SLC5A8: variants seen among roughly 807,000 people sequenced by gnomAD.
SLC5A8 encodes solute carrier family 5 member 8, also known as sodium-coupled monocarboxylate transporter 1.
In SLC5A8, 55 loss-of-function variants were observed where a neutral mutation model predicts 71.9. The observed-to-expected ratio is 0.77, with a 90% CI of 0.62 to 0.96. The LOEUF is 0.96. SLC5A8 is among the 40% of genes least tolerant of loss of function. The pLI, the probability that SLC5A8 is intolerant of heterozygous loss-of-function variation, is 0.00. For missense variants in SLC5A8, 701 were observed against 745.3 expected (o/e 0.94, Z 0.69); for synonymous variants, 307 against 276.1 (o/e 1.11, Z -1.11).
In SLC5A8 at chr12:101,161,960, G is replaced by A. The variant is rs115468720; in HGVS notation, c.1630+14C>T. On this transcript the variant is annotated intron_variant, in intron 13 of 14. Transcript: ENST00000536262. ...TAGAGGTAAATACAACAATACTAATGTTTAGATAGTTACCTGTTGATAAAC... is the reference window on the plus strand; with the variant it reads ...TAGAGGTAAATACAACAATACTAATATTTAGATAGTTACCTGTTGATAAAC... The A allele has an allele frequency of 5.8e-4, 903 of 1,554,694 alleles. 5 individuals carry two copies. The African/African-American group carries it at 0.011, about 18-fold the overall frequency.
At chr12:101,193,559 C>A (rs1869018091) in intron 5 of SLC5A8, 66 bp downstream of exon 5, 2 of 1,509,792 alleles carry the variant, frequency 1.3e-6, no homozygotes, top group East Asian at 2.3e-5. Flanking sequence ...TCTACTATTT[C>A]AATAAAGAGA....
intron 12 of SLC5A8, among the ~76,000 whole-genome samples, chr12:101,165,991 G>A (rs1202094004): frequency 2.0e-5 from 3 of 152,148 alleles, no homozygotes; most frequent in Admixed American, 2.0e-4. Flanking sequence ...TGTACTGCAT[G>A]ACTGAAATCT....
Position 101,158,337 on chromosome 12 carries a change from A to G in SLC5A8, c.1631-9T>C, listed in dbSNP as rs1242315673. ...GTTCTGTTTTCTTCCTCCTGGAAAA[A>G]AAAATGTACATGACTTACGTTGTTA... On this transcript the variant is annotated splice_polypyrimidine_tract_variant and intron_variant, in intron 13 of 14. Transcript: ENST00000536262. 6.5e-7 allele frequency: 1 copy of G among 1,549,296 alleles called. No homozygotes were observed. Among genetic ancestry groups the G allele is most frequent in the Non-Finnish European group, 8.8e-7 (1 of 1,131,330 alleles).
intron 6 of SLC5A8, among the ~76,000 whole-genome samples, chr12:101,190,157 T>A (rs1440581257): frequency 3.9e-5 from 6 of 152,236 alleles, no homozygotes; most frequent in African/African-American, 1.4e-4. Context: ...TGCATGTATT[T>A]TCCTAATTTG....
intron 13 of SLC5A8, among the ~76,000 whole-genome samples, chr12:101,158,633 T>TAG (rs56013932): frequency 6.4e-5 from 8 of 125,492 alleles, no homozygotes; most frequent in African/African-American, 2.3e-4. Context: ...TATATATATA[T>TAG]GTATCATATA....
Position 101,186,080 on chromosome 12 carries a change from ATT to A in SLC5A8, c.963+1304_963+1305del, listed in dbSNP as rs35334880. ...GTCTCAAAGGTAGGAAGCCGTAGGG[ATT>A]TTTTTTTTTTTTTTTTTGGCCCAGG... On this transcript the variant is annotated intron_variant, in intron 7 of 14. Transcript: ENST00000536262. Among the ~76,000 whole-genome samples the A allele has an allele frequency of 5.0e-3, 677 of 134,718 alleles. 1 individual carries two copies. The highest frequency in any genetic ancestry group is 0.011 in the African/African-American group (396 of 36,616). 88.4% of individuals were successfully genotyped at this position (134,718 alleles called of 152,430 possible).
In SLC5A8 at chr12:101,166,681, T is replaced by A; in HGVS notation, c.1339A>T (p.Met447Leu). The change falls in exon 12 of 15, where the codon ATG (methionine) becomes TTG (leucine). Residue 447 changes from methionine to leucine, a missense_variant. Met to Leu is a conservative substitution (Grantham distance 15). Coordinates refer to ENST00000536262, the MANE Select transcript of SLC5A8 (RefSeq NM_145913.5). ...CATAGAGAAATGGCAAATCCAGCCA[T>A]CAGACCAACAAGTGCTCCCTGTAAA... ...ANSIGALVGL[M>L]AGFAISLWVG... 1 of 1,611,036 alleles carries A rather than the reference T, an allele frequency of 6.2e-7. No individual in the cohort carries two copies. The highest frequency in any genetic ancestry group is 8.5e-7 in the Non-Finnish European group (1 of 1,178,900).
intron 6 of SLC5A8, 85 bp from the exon 7 acceptor site, chr12:101,187,600 C>A (rs1462078145): frequency 2.2e-6 from 3 of 1,380,938 alleles, no homozygotes; most frequent in Non-Finnish European, 2.9e-6. Flanking sequence ...TCAAAAGAGA[C>A]CTTCATGATT....
chr12:101,167,657 T>A (rs1055987211), intron 11 of SLC5A8, among the ~76,000 whole-genome samples: 10 of 152,214 alleles, frequency 6.6e-5, no homozygotes, highest in African/African-American at 2.4e-4. Flanking sequence ...CAGCTTTAAA[T>A]GTCAGGAGTA....
chr12:101,169,656 G>T (rs916299328), intron 10 of SLC5A8, among the ~76,000 whole-genome samples: 2 of 152,170 alleles, frequency 1.3e-5, no homozygotes, highest in African/African-American at 4.8e-5. Flanking sequence ...GATCCCAGAG[G>T]AGCAGCCCAA....
At chr12:101,195,067 T>C (rs772837278) in intron 4 of SLC5A8, 28 bp downstream of exon 4, 1 of 1,610,838 alleles carries the variant, frequency 6.2e-7, no homozygotes, top group Non-Finnish European at 8.5e-7. Context: ...GTGGGTAGAG[T>C]GAAAAGGGAA....
intron 1 of SLC5A8, among the ~76,000 whole-genome samples, chr12:101,208,847 C>T (rs1393468129): frequency 6.6e-6 from 1 of 152,140 alleles, no homozygotes; most frequent in Non-Finnish European, 1.5e-5. Context: ...CTCATTTAAT[C>T]CTCCCAACTG....
intron 1 of SLC5A8, among the ~76,000 whole-genome samples, chr12:101,206,955 G>T (rs1175936291): frequency 6.6e-6 from 1 of 152,200 alleles, no homozygotes; most frequent in Admixed American, 6.5e-5. Context: ...CTAAAGAAAT[G>T]TCAACAGGGA....
chr12:101,192,902 C>CTTT (rs546151360), intron 5 of SLC5A8, among the ~76,000 whole-genome samples: 26 of 139,800 alleles, frequency 1.9e-4, no homozygotes, highest in African/African-American at 6.7e-4. Context: ...GTCTCTGTCT[C>CTTT]TTTTTTTTTT....
chr12:101,209,653 T>G lies in SLC5A8; in HGVS notation c.196A>C (p.Met66Leu), dbSNP rs773862792. 6.2e-6 allele frequency: 10 copies of G among 1,613,884 alleles called. No individual in the cohort carries two copies. Among genetic ancestry groups the G allele is most frequent in the Non-Finnish European group, 8.5e-6 (10 of 1,180,018 alleles). The part of the protein sequence containing the change: ...PVALSLTASF[M>L]SAVTVLGTPS... Reference sequence around the variant, plus strand: ...GTGCCCAGGACAGTGACGGCTGACATGAAGCTAGCGGTGAGGGACAGCGCC... The same window carrying G: ...GTGCCCAGGACAGTGACGGCTGACAGGAAGCTAGCGGTGAGGGACAGCGCC... Residue 66 changes from methionine to leucine, a missense_variant, in exon 1 of 15, where the codon ATG becomes CTG. Met to Leu is a conservative substitution (Grantham distance 15). Transcript: ENST00000536262.
intron 5 of SLC5A8, among the ~76,000 whole-genome samples, chr12:101,192,500 T>C (rs2137157672): frequency 6.6e-6 from 1 of 152,314 alleles, no homozygotes; most frequent in South Asian, 2.1e-4. Flanking sequence ...GTTGTCCCTT[T>C]CCATATTGCA....
intron 5 of SLC5A8, among the ~76,000 whole-genome samples, chr12:101,192,471 C>A (rs1356411670): frequency 6.6e-6 from 1 of 152,130 alleles, no homozygotes; most frequent in African/African-American, 2.4e-5. Flanking sequence ...AGAAGATAGG[C>A]TAATTCAAGA....
chr12:101,202,061 T>C, intron 3 of SLC5A8, 103 bp downstream of exon 3: 1 of 1,127,800 alleles, frequency 8.9e-7, no homozygotes, highest in African/African-American at 1.5e-5. Flanking sequence ...TGCAGGTTAC[T>C]AGAAGCATTC....
At chr12:101,175,097 G>C (rs773480879) in intron 10 of SLC5A8, among the ~76,000 whole-genome samples, 25 of 151,718 alleles carry the variant, frequency 1.6e-4, no homozygotes, top group Non-Finnish European at 1.9e-4. Flanking sequence ...AAAAATCTCA[G>C]GGAAAAAAAG....
Sources: allele counts gnomAD v4.1 joint callset (sites outside exome capture counted in the v4.1 genomes callset), GRCh38; gene constraint gnomAD v4.1.1; transcripts MANE v1.5; gene names NCBI Gene and HGNC (gene_info 2026-07-23, HGNC 2026-07-21).